FBXL16: variants seen among roughly 807,000 people sequenced by gnomAD.
FBXL16 encodes F-box and leucine rich repeat protein 16, also known as F-box/LRR-repeat protein 16.
A neutral mutation model predicts 36.7 loss-of-function variants in FBXL16; 7 were observed. That is an observed-to-expected ratio of 0.19 (90% CI 0.11 to 0.36). The LOEUF is 0.36. Among genes scored for constraint, FBXL16 ranks in the 10% least tolerant of loss-of-function variants. The pLI is 1.00. For synonymous variants in FBXL16, 355 were observed against 308.7 expected (o/e 1.15, Z -1.57); for missense variants, 463 against 659.4 (o/e 0.70, Z 3.26).
intron 1 of FBXL16, among the ~76,000 whole-genome samples, chr16:704,540 C>A (rs1163445320): frequency 6.6e-6 from 1 of 152,240 alleles, no homozygotes; most frequent in Non-Finnish European, 1.5e-5. Context: ...TAGGCCTCTG[C>A]CCTGGTCCGG....
intron 2 of FBXL16, 39 bp downstream of exon 2, chr16:696,734 C>CGGG: frequency 4.1e-6 from 6 of 1,478,502 alleles, no homozygotes; most frequent in African/African-American, 1.4e-5. Flanking sequence ...CTGCCCGCCC[C>CGGG]TGCCCCCCAG....
Position 696,831 on chromosome 16 carries a change from T to C in FBXL16, c.575A>G (p.Lys192Arg). 1 of 1,555,764 alleles carries C rather than the reference T, an allele frequency of 6.4e-7. No individual in the cohort carries two copies. The highest frequency in any genetic ancestry group is 8.7e-7 in the Non-Finnish European group (1 of 1,155,896). Residue 192 changes from lysine (K) to arginine (R), a missense_variant, in exon 2 of 6, where the codon AAG (lysine) becomes AGG (arginine). By Grantham distance (26) the Lys-to-Arg change is conservative. This residue lies in a region of FBXL16 where 263 missense variants were observed against 341.1 expected (regional missense o/e 0.77). Transcript: ENST00000397621. ...CEFIDNYALS[K>R]KGVKAMSLKR... ...GAGGCTCATGGCTTTGACACCCTTCTTGGAGAGCGCATAGTTGTCAATGAA... is the reference window on the plus strand; with the variant it reads ...GAGGCTCATGGCTTTGACACCCTTCCTGGAGAGCGCATAGTTGTCAATGAA...
In FBXL16 at chr16:697,372, G is replaced by T. The variant is rs1373680858; in HGVS notation, c.34C>A (p.Pro12Thr). The T allele has an allele frequency of 6.5e-7, 1 of 1,537,062 alleles. No homozygotes were observed. The highest frequency in any genetic ancestry group is 1.2e-5 in the South Asian group (1 of 84,094). Residue 12 changes from proline to threonine, a missense_variant, in exon 2 of 6, where the codon CCT (proline) becomes ACT (threonine). Physicochemically the swap from Pro to Thr is conservative, Grantham distance 38. Coordinates refer to ENST00000397621, the MANE Select transcript of FBXL16 (RefSeq NM_153350.4). The surrounding 1 kb of genome is among the most constrained non-coding windows in gnomAD (Gnocchi z 4.6). ...SSPGIDGDPKPPCLPRNGLVK... is the reference protein window; with the variant it reads ...SSPGIDGDPKTPCLPRNGLVK... ...AGACCGTTTCGAGGCAAGCATGGAG[G>T]CTTGGGGTCGCCGTCGATGCCCGGG...
rs1420524413 is a variant in FBXL16 at position 695,530 on chromosome 16, C to T, written c.1027G>A (p.Glu343Lys). The change falls in exon 3 of 6, where the codon GAG becomes AAG. Residue 343 changes from glutamate (E) to lysine (K), a missense_variant. By Grantham distance (56) the Glu-to-Lys change is moderately conservative. Transcript: ENST00000397621. Reference sequence around the variant, plus strand: ...AGGCTGCGCAGCTTGCGCAGGTTCTCGGCCACGAGCTCCACGCCGTCGTCG... The same window carrying T: ...AGGCTGCGCAGCTTGCGCAGGTTCTTGGCCACGAGCTCCACGCCGTCGTCG... ...VTDDGVELVA[E>K]NLRKLRSLDL... The T allele has an allele frequency of 6.3e-7, 1 of 1,599,502 alleles. No homozygotes were observed. The highest frequency in any genetic ancestry group is 8.5e-7 in the Non-Finnish European group (1 of 1,178,178).
intron 2 of FBXL16, 121 bp from the exon 3 acceptor site, chr16:696,044 G>T (rs538668302): frequency 2.2e-6 from 3 of 1,384,350 alleles, no homozygotes; most frequent in Non-Finnish European, 2.8e-6. Context: ...AGTGTGTGAG[G>T]AGGCGGGGCA....
intron 5 of FBXL16, 91 bp downstream of exon 5, chr16:694,543 G>C: frequency 1.3e-6 from 2 of 1,519,764 alleles, no homozygotes; most frequent in African/African-American, 1.4e-5. Context: ...CGCCGGGTGT[G>C]AGTTTGCACA....
At chr16:702,198 C>T (rs1190039867) in intron 1 of FBXL16, among the ~76,000 whole-genome samples, 1 of 152,182 alleles carries the variant, frequency 6.6e-6, no homozygotes, top group Non-Finnish European at 1.5e-5. Context: ...CGGCCCCTTC[C>T]CAGCCCTGAT....
At chr16:702,086 A>C (rs2040061413) in intron 1 of FBXL16, among the ~76,000 whole-genome samples, 1 of 152,166 alleles carries the variant, frequency 6.6e-6, no homozygotes. Flanking sequence ...CCACATGTAC[A>C]TGTACAGCAT....
At chr16:698,913 C>CAAAAAAA (rs767619638) in intron 1 of FBXL16, among the ~76,000 whole-genome samples, 15 of 89,628 alleles carry the variant, frequency 1.7e-4, no homozygotes, top group African/African-American at 6.1e-4. Context: ...GACTTTGTCT[C>CAAAAAAA]AAAAAAAAAA....
chr16:695,079 G>A lies in FBXL16; in HGVS notation c.1143-3C>T, dbSNP rs765148797. ...CAGTGTCCGTGATGCGTACACACCT[G>A]TGGTTGCACCAGAGGGGACCCCCAC... On this transcript the variant is annotated splice_polypyrimidine_tract_variant and splice_region_variant and intron_variant, in intron 3 of 5. Coordinates refer to ENST00000397621, the MANE Select transcript of FBXL16 (RefSeq NM_153350.4). 6.2e-7 allele frequency: 1 copy of A among 1,606,194 alleles called. No homozygotes were observed. The highest frequency in any genetic ancestry group is 8.5e-7 in the Non-Finnish European group (1 of 1,176,574).
rs2039987409 is a variant in FBXL16 at position 693,650 on chromosome 16, T to G, written c.*625A>C. The G allele has an allele frequency of 1.3e-5, 2 of 151,646 alleles. No individual in the cohort carries two copies. The highest frequency in any genetic ancestry group is 6.6e-5 in the Admixed American group (1 of 15,146). The allele number at this position is 151,646 out of a possible 1,614,324, so 9.4% of individuals were successfully genotyped here. On this transcript the variant is annotated 3_prime_UTR_variant, in exon 6 of 6. Coordinates refer to ENST00000397621, the MANE Select transcript of FBXL16 (RefSeq NM_153350.4). ...GGCCGCGTGGGTCAGGCTGGATGGG[T>G]GAGGAGGTGCGGGTGGGGCCTGGGC... is the stretch of plus-strand genomic sequence containing the variant.
chr16:695,832 G>A lies in FBXL16; in HGVS notation c.725C>T (p.Ala242Val), dbSNP rs982882726. The change falls in exon 3 of 6, where the codon GCG becomes GTG. Residue 242 changes from alanine (A) to valine (V), a missense_variant. Coordinates refer to ENST00000397621, the MANE Select transcript of FBXL16 (RefSeq NM_153350.4). ...TEAGLWSSLS[A>V]RITSLSVSDC... ...ACTCACGCTCAGCGAGGTGATGCGC[G>A]CGCTCAGGCTGGACCACAGCCCGGC... 1.2e-6 allele frequency: 2 copies of A among 1,609,058 alleles called. No individual in the cohort carries two copies. The highest frequency in any genetic ancestry group is 1.7e-6 in the Non-Finnish European group (2 of 1,178,170).
chr16:698,343 ACACTTTTTAG>A lies in FBXL16; in HGVS notation c.-14-934_-14-925del, dbSNP rs546324360. Among the ~76,000 whole-genome samples, 1,004 of 152,306 alleles carry A rather than the reference ACACTTTTTAG, an allele frequency of 6.6e-3. 18 individuals are homozygous for A. The highest frequency in any genetic ancestry group is 0.023 in the African/African-American group (956 of 41,576). On this transcript the variant is annotated intron_variant, in intron 1 of 5. Coordinates refer to ENST00000397621, the MANE Select transcript of FBXL16 (RefSeq NM_153350.4). ...TGCCCAGTGAGGCGAAGAAACGCCGACACTTTTTAGCACTTAGGTACCATGATGGCCATTT... is the reference window on the plus strand; with the variant it reads ...TGCCCAGTGAGGCGAAGAAACGCCGACACTTAGGTACCATGATGGCCATTT...
chr16:695,683 G>A lies in FBXL16; in HGVS notation c.874C>T (p.Gln292Ter). 1.2e-6 allele frequency: 2 copies of A among 1,605,776 alleles called. No individual in the cohort carries two copies. The highest frequency in any genetic ancestry group is 8.5e-7 in the Non-Finnish European group (1 of 1,179,530). ...CGCAGCGTGTGCGTGCTGTGGCCCT[G>A]GCGCGCCGTGAAGTAGGCCAGCGCC... Reference protein sequence around the residue: ...DTALAYFTARQGHSTHTLRLL... With the variant: ...DTALAYFTAR The change falls in exon 3 of 6, where the codon CAG (glutamine) becomes TAG (stop). Residue 292 changes from glutamine to a stop codon, truncating the protein, a stop_gained. Coordinates refer to ENST00000397621, the MANE Select transcript of FBXL16 (RefSeq NM_153350.4). LOFTEE classifies it high-confidence loss of function.
Position 697,132 on chromosome 16 carries a change from G to T in FBXL16, c.274C>A (p.Arg92=). The change falls in exon 2 of 6, where the codon CGG becomes AGG. Residue 92 remains arginine, a synonymous_variant. Transcript: ENST00000397621. The surrounding 1 kb of genome is among the most constrained non-coding windows in gnomAD (Gnocchi z 4.6). Reference sequence around the variant, plus strand: ...TTCTCGTCCGTGGCCAGCGGCGGCCGCTCCGCTGGGTGCCCAGGTGCCAAG... The same window carrying T: ...TTCTCGTCCGTGGCCAGCGGCGGCCTCTCCGCTGGGTGCCCAGGTGCCAAG... ...SALAPGHPAE[R]PPLATDEKIL... 1.2e-6 allele frequency: 2 copies of T among 1,602,108 alleles called. No individual in the cohort carries two copies. Among genetic ancestry groups the T allele is most frequent in the African/African-American group, 2.7e-5 (2 of 74,766 alleles).
intron 1 of FBXL16, among the ~76,000 whole-genome samples, chr16:698,875 C>T (rs2040035053): frequency 7.3e-6 from 1 of 136,176 alleles, no homozygotes; most frequent in East Asian, 2.0e-4. Flanking sequence ...GATCACACCA[C>T]TGTACTCCAG....
rs1055312130 is a variant in FBXL16, at chr16:694,209, C to G, written c.*66G>C. On this transcript the variant is annotated 3_prime_UTR_variant, in exon 6 of 6. Coordinates refer to ENST00000397621, the MANE Select transcript of FBXL16 (RefSeq NM_153350.4). ...GAGCGCAAGGCGGGAAGAGGGGGCT[C>G]GGCGGCGCCCCGCGCCCCCGCCCAG... is the stretch of plus-strand genomic sequence containing the variant. 4 of 1,164,068 alleles carry G rather than the reference C, an allele frequency of 3.4e-6. No individual in the cohort carries two copies. In the African/African-American group the frequency reaches 6.4e-5, roughly 19 times the overall value. The allele number at this position is 1,164,068 out of a possible 1,614,324, so 72.1% of individuals were successfully genotyped here.
chr16:697,310 C>G lies in FBXL16; in HGVS notation c.96G>C (p.Ala32=). ...KLPGQPNGLG[A]ASITKGTPAT... ...CTGGCGTGCCCTTGGTGATGCTGGC[C>G]GCACCCAGGCCGTTGGGCTGGCCCG... The change falls in exon 2 of 6, where the codon GCG becomes GCC. Residue 32 remains alanine (A), a synonymous_variant. Transcript: ENST00000397621. The surrounding 1 kb of genome is among the most constrained non-coding windows in gnomAD (Gnocchi z 4.6). The G allele has an allele frequency of 6.5e-7, 1 of 1,534,286 alleles. No individual in the cohort carries two copies. Among genetic ancestry groups the G allele is most frequent in the Non-Finnish European group, 8.7e-7 (1 of 1,146,184 alleles).
chr16:694,481 G>T, intron 5 of FBXL16, 58 bp from the exon 6 acceptor site: 1 of 1,494,624 alleles, frequency 6.7e-7, no homozygotes. Context: ...GGCGGGGACG[G>T]CCGGGCCGCG....
Sources: allele counts gnomAD v4.1 joint callset (sites outside exome capture counted in the v4.1 genomes callset), GRCh38; gene constraint gnomAD v4.1.1; regional missense constraint gnomAD v4.1.1; non-coding constraint Gnocchi (gnomAD v3.1); transcripts MANE v1.5; gene names NCBI Gene and HGNC (gene_info 2026-07-23, HGNC 2026-07-21).